The following STAU2 variants were observed in gnomAD, a reference collection of about 807,000 sequenced individuals.
STAU2 encodes double-stranded RNA-binding protein Staufen homolog 2.
In STAU2, 20 loss-of-function variants were observed where a neutral mutation model predicts 65.9. That is an observed-to-expected ratio of 0.30 (90% CI 0.21 to 0.44). The LOEUF (loss-of-function observed/expected upper bound fraction) is 0.44. Ranked by LOEUF, STAU2 falls within the 20% of genes least tolerant of loss-of-function variation. The pLI is 1.00. For synonymous variants in STAU2, 232 were observed against 233.9 expected (o/e 0.99, Z 0.07); for missense variants, 558 against 683.9 (o/e 0.82, Z 2.05).
intron 5 of STAU2, among the ~76,000 whole-genome samples, chr8:73,676,836 TC>T (rs1818059522): frequency 6.6e-6 from 1 of 152,204 alleles, no homozygotes; most frequent in Non-Finnish European, 1.5e-5. Flanking sequence ...CCTCAAGTGA[TC>T]CACCCACCTT....
intron 13 of STAU2, among the ~76,000 whole-genome samples, chr8:73,543,163 T>A (rs908109614): frequency 2.6e-5 from 4 of 152,198 alleles, no homozygotes; most frequent in Non-Finnish European, 5.9e-5. Flanking sequence ...AGATGCCAGA[T>A]ACAAAACTGT....
chr8:73,644,083 A>G (rs1408114613), intron 6 of STAU2, among the ~76,000 whole-genome samples: 1 of 152,212 alleles, frequency 6.6e-6, no homozygotes, highest in Non-Finnish European at 1.5e-5. Context: ...GAAATTATAC[A>G]TAGTGTATTC....
In STAU2 at chr8:73,662,599, TTTG is replaced by T. The variant is rs370019142; in HGVS notation, c.410+10505_410+10507del. 1.7e-3 allele frequency among the ~76,000 whole-genome samples: 257 copies of T among 150,686 alleles called. 2 individuals are homozygous for T. Among genetic ancestry groups the T allele is most frequent in the African/African-American group, 5.2e-3 (213 of 40,804 alleles). On this transcript the variant is annotated intron_variant, in intron 6 of 14. Coordinates refer to ENST00000524300, the MANE Select transcript of STAU2 (RefSeq NM_001164380.2). ...GGTGTGAAGTCAAGGTTCAGGGGTT[TTTG>T]TTGTTGTTGTTGTTGTTGTTGTTGT...
At chr8:73,743,211 A>C (rs1807006040) in intron 1 of STAU2, among the ~76,000 whole-genome samples, 1 of 152,060 alleles carries the variant, frequency 6.6e-6, no homozygotes, top group Non-Finnish European at 1.5e-5. Context: ...ACTCTAAATA[A>C]CACAGGCCAG....
At chr8:73,733,228 AT>A (rs1270606706) in intron 3 of STAU2, among the ~76,000 whole-genome samples, 1 of 152,102 alleles carries the variant, frequency 6.6e-6, no homozygotes, top group Non-Finnish European at 1.5e-5. Context: ...TCACCAGATT[AT>A]TTTGATCCCT....
intron 1 of STAU2, among the ~76,000 whole-genome samples, chr8:73,742,546 TA>T (rs889880982): frequency 8.8e-5 from 13 of 147,694 alleles, no homozygotes; most frequent in African/African-American, 1.5e-4. Context: ...TAAAAATAAT[TA>T]AAAAAAAAAT....
chr8:73,552,403 T>C, intron 12 of STAU2, 84 bp from the exon 13 acceptor site: 2 of 1,243,016 alleles, frequency 1.6e-6, no homozygotes, highest in Admixed American at 2.6e-5. Flanking sequence ...TGGCTTTACT[T>C]GGTGTAGTAA....
rs781520876 is a variant in STAU2, at chr8:73,580,673, C to A, written c.1222+2097G>T. ...TCAATTCCTAAGCACAGTCCAACTT[C>A]TTCCTAATGTTGTATTTAAGTGCCA... On this transcript the variant is annotated intron_variant, in intron 12 of 14. Transcript: ENST00000524300. Among the ~76,000 whole-genome samples, 43 of 152,222 alleles carry A rather than the reference C, an allele frequency of 2.8e-4. 1 individual carries two copies. The highest frequency in any genetic ancestry group is 1.4e-3 in the Admixed American group (21 of 15,284).
intron 13 of STAU2, chr8:73,551,403 A>T: frequency 1.0e-6 from 1 of 987,124 alleles, no homozygotes; most frequent in South Asian, 4.7e-5. Context: ...CTCCCTAGTC[A>T]GTTCAAAACA....
At chr8:73,615,827 C>T (rs1812796920) in intron 7 of STAU2, 45 bp from the exon 8 acceptor site, 2 of 1,433,656 alleles carry the variant, frequency 1.4e-6, no homozygotes, top group East Asian at 2.3e-5. Flanking sequence ...GACATTATAA[C>T]AAACTTTACT....
chr8:73,440,536 T>C (rs1393846131), intron 13 of STAU2: 2 of 152,220 alleles, frequency 1.3e-5, no homozygotes, highest in Non-Finnish European at 2.9e-5. Flanking sequence ...TTCTGTTGGT[T>C]CTTTTTTGAA....
At chr8:73,744,263 A>T (rs972300259) in intron 1 of STAU2, among the ~76,000 whole-genome samples, 2 of 152,164 alleles carry the variant, frequency 1.3e-5, no homozygotes, top group African/African-American at 4.8e-5. Context: ...TACTGATTCT[A>T]GACATCTAGT....
At chr8:73,697,645 G>A (rs182367228) in intron 4 of STAU2, among the ~76,000 whole-genome samples, 2 of 152,266 alleles carry the variant, frequency 1.3e-5, no homozygotes, top group Admixed American at 1.3e-4. Flanking sequence ...AGTGTAATAA[G>A]ACATAAAGAG....
chr8:73,501,885 T>C (rs528266477), intron 13 of STAU2, among the ~76,000 whole-genome samples: 1 of 152,088 alleles, frequency 6.6e-6, no homozygotes, highest in East Asian at 1.9e-4. Flanking sequence ...CAGCAGCAGC[T>C]AATCCTGAGA....
chr8:73,495,672 T>G (rs1253562976), intron 13 of STAU2, among the ~76,000 whole-genome samples: 1 of 147,364 alleles, frequency 6.8e-6, no homozygotes, highest in Admixed American at 6.8e-5. Context: ...AATATATATA[T>G]ATATATATAT....
intron 6 of STAU2, among the ~76,000 whole-genome samples, chr8:73,647,906 G>A (rs541073831): frequency 1.3e-5 from 2 of 152,240 alleles, no homozygotes; most frequent in East Asian, 1.9e-4. Flanking sequence ...GTTTGCTGCA[G>A]TGCTTGCATG....
At chr8:73,638,452 G>C (rs1409745359) in intron 6 of STAU2, among the ~76,000 whole-genome samples, 1 of 147,170 alleles carries the variant, frequency 6.8e-6, no homozygotes, top group African/African-American at 2.5e-5. Flanking sequence ...TTTACTAGTT[G>C]TACCAACTAA....
chr8:73,659,645 A>C (rs1482935682), intron 6 of STAU2, among the ~76,000 whole-genome samples: 3 of 152,232 alleles, frequency 2.0e-5, no homozygotes, highest in Non-Finnish European at 4.4e-5. Context: ...GAACAAAAAA[A>C]TAAAGATATT....
intron 3 of STAU2, among the ~76,000 whole-genome samples, chr8:73,736,290 C>A (rs1038601486): frequency 1.3e-5 from 2 of 152,136 alleles, no homozygotes; most frequent in Admixed American, 6.5e-5. Flanking sequence ...ACAACTCTAG[C>A]ACCATTCATA....
Sources: gnomAD v4.1 joint callset for allele counts (sites outside exome capture counted in the v4.1 genomes callset) on GRCh38, gnomAD v4.1.1 for gene constraint, MANE v1.5 for transcripts, NCBI Gene and HGNC (gene_info 2026-07-23, HGNC 2026-07-21) for gene names.